Variants in SLC25A30 observed in about 807,000 individuals in gnomAD.
The protein encoded by SLC25A30 is solute carrier family 25 member 30.
SLC25A30 carries 29 observed loss-of-function variants against 42.7 expected under a neutral mutation model. The ratio of observed to expected loss-of-function variants is 0.68; its 90% CI spans 0.51 to 0.93. The LOEUF is 0.93. SLC25A30 is among the 40% of genes least tolerant of loss of function. The pLI, the probability that SLC25A30 is intolerant of heterozygous loss-of-function variation, is 0.00. For synonymous variants in SLC25A30, 124 were observed against 131.0 expected (o/e 0.95, Z 0.37); for missense variants, 300 against 359.7 (o/e 0.83, Z 1.34).
At chr13:45,425,369 A>T in the SLC25A30 span, among the ~76,000 whole-genome samples, 1 of 110,366 alleles carries the variant, frequency 9.1e-6, no homozygotes, top group Non-Finnish European at 1.7e-5. Flanking sequence ...TATATGTATA[A>T]AAATATATAA....
chr13:45,396,983 T>C (rs1881403524), intron 9 of SLC25A30: 1 of 352,626 alleles, frequency 2.8e-6, no homozygotes, highest in Non-Finnish European at 5.1e-6. Flanking sequence ...CTCTCTGAAA[T>C]CGTAAATACC....
At chr13:45,423,546 A>C in the SLC25A30 span, among the ~76,000 whole-genome samples, 2 of 87,886 alleles carry the variant, frequency 2.3e-5, no homozygotes, top group East Asian at 2.3e-4. Context: ...AAATATATAT[A>C]AATACATAAA....
the SLC25A30 span, among the ~76,000 whole-genome samples, chr13:45,423,594 T>TATATATAAAAATATATATAAA: frequency 1.4e-4 from 13 of 92,114 alleles, 1 homozygote; most frequent in African/African-American, 5.1e-4. Context: ...TATATAAATA[T>TATATATAAAAATATATATAAA]ATATATATAT....
At chr13:45,403,451 T>C (rs1882191252) in intron 5 of SLC25A30, among the ~76,000 whole-genome samples, 1 of 152,164 alleles carries the variant, frequency 6.6e-6, no homozygotes, top group Non-Finnish European at 1.5e-5. Flanking sequence ...AGAGGGGAAG[T>C]AGGAAAGGAA....
the SLC25A30 span, among the ~76,000 whole-genome samples, chr13:45,430,643 C>CA: frequency 1.5e-3 from 222 of 151,192 alleles, 3 homozygotes; most frequent in Non-Finnish European, 2.1e-3. Flanking sequence ...CCATCTGTAC[C>CA]AAAAAAAATA....
rs1283224261 is a variant in SLC25A30, at chr13:45,393,389, TTAAA to T, written c.*2581_*2584del. 32 of 981,594 alleles carry T rather than the reference TTAAA, an allele frequency of 3.3e-5. No individual in the cohort carries two copies. The highest frequency in any genetic ancestry group is 3.0e-4 in the African/African-American group (17 of 57,160). 60.8% of individuals were successfully genotyped at this position (981,594 alleles called of 1,614,324 possible). On this transcript the variant is annotated 3_prime_UTR_variant, in exon 10 of 10. Transcript: ENST00000519676. ...CTTATGCCACATATTCCAACAATGTTTAAATAAAGAGCTTGAAATATAAAGGCTT... is the reference window on the plus strand; with the variant it reads ...CTTATGCCACATATTCCAACAATGTTTAAAGAGCTTGAAATATAAAGGCTT...
chr13:45,420,838 G>A (rs1883873687), upstream of SLC25A30, among the ~76,000 whole-genome samples: 1 of 152,006 alleles, frequency 6.6e-6, no homozygotes, highest in African/African-American at 2.4e-5. Context: ...AGTGCTGGGA[G>A]TACAGGCATG....
the SLC25A30 span, among the ~76,000 whole-genome samples, chr13:45,424,653 A>G: frequency 3.3e-4 from 24 of 73,488 alleles, 4 homozygotes; most frequent in African/African-American, 1.2e-3. Context: ...ATAAATATAT[A>G]TAAATATATA....
At chr13:45,428,294 T>C in the SLC25A30 span, among the ~76,000 whole-genome samples, 71,620 of 151,138 alleles carry the variant, frequency 0.47, 17,467 homozygotes, top group Non-Finnish European at 0.54. Context: ...CTGCAACCTC[T>C]GCCTCCCAGG....
At chr13:45,402,004 GA>G (rs1193771659) in intron 6 of SLC25A30, among the ~76,000 whole-genome samples, 1 of 140,544 alleles carries the variant, frequency 7.1e-6, no homozygotes, top group Non-Finnish European at 1.5e-5. Flanking sequence ...AGGTTGCAGT[GA>G]GCCAAGATCG....
chr13:45,425,036 G>A, the SLC25A30 span, among the ~76,000 whole-genome samples: 15 of 14,674 alleles, frequency 1.0e-3, no homozygotes, highest in South Asian at 4.5e-3. Flanking sequence ...AAATATATAA[G>A]TATATATAAA....
Position 45,401,115 on chromosome 13 carries a change from G to A in SLC25A30, c.582C>T (p.Gly194=), listed in dbSNP as rs370054419. 8.7e-6 allele frequency: 14 copies of A among 1,613,724 alleles called. No individual in the cohort carries two copies. Among genetic ancestry groups the A allele is most frequent in the Non-Finnish European group, 1.2e-5 (14 of 1,179,844 alleles). The change falls in exon 7 of 10, where the codon GGC becomes GGT. Residue 194 remains glycine (G), a synonymous_variant. Transcript: ENST00000519676. ...GGGTATACACAGTGTCTCCCATCAG[G>A]CCTGAGAGAATAAGATGCTTCTTGG... ...DITKKHLILS[G]LMGDTVYTHF...
In SLC25A30 at chr13:45,411,458, C is replaced by A; in HGVS notation, c.-33G>T. On this transcript the variant is annotated 5_prime_UTR_variant, in exon 2 of 10. It removes an upstream start codon present in the reference 5' UTR. Coordinates refer to ENST00000519676, the MANE Select transcript of SLC25A30 (RefSeq NM_001010875.4). ...CTGTCTCTTCTTTGATTTATAGAAA[C>A]ATTGCCTCCAGTGCTGTTTTTCCTG... 3 of 1,611,912 alleles carry A rather than the reference C, an allele frequency of 1.9e-6. No individual in the cohort carries two copies. Among genetic ancestry groups the A allele is most frequent in the Non-Finnish European group, 8.5e-7 (1 of 1,178,312 alleles).
chr13:45,402,869 C>A, intron 5 of SLC25A30: 1 of 911,266 alleles, frequency 1.1e-6, no homozygotes, highest in Non-Finnish European at 1.3e-6. Context: ...CAAGTGACAG[C>A]CACATGATAC....
rs751160326 is a variant in SLC25A30, at chr13:45,401,151, G to A, written c.546C>T (p.Val182=). 1.9e-6 allele frequency: 3 copies of A among 1,613,826 alleles called. No individual in the cohort carries two copies. Among genetic ancestry groups the A allele is most frequent in the African/African-American group, 2.7e-5 (2 of 74,896 alleles). The change falls in exon 7 of 10, where the codon GTC becomes GTT. Residue 182 remains valine, a synonymous_variant. Transcript: ENST00000519676. The part of the protein sequence containing the change: ...AAIVVGVELP[V]YDITKKHLIL... ...TAAGATGCTTCTTGGTGATGTCATAGACCGGCAGCTCCACACCAACAACAA... is the reference window on the plus strand; with the variant it reads ...TAAGATGCTTCTTGGTGATGTCATAAACCGGCAGCTCCACACCAACAACAA...
intron 2 of SLC25A30, among the ~76,000 whole-genome samples, chr13:45,410,919 T>A (rs1181813549): frequency 6.6e-6 from 1 of 152,262 alleles, no homozygotes; most frequent in Non-Finnish European, 1.5e-5. Context: ...CTATTTTGTC[T>A]TAAAAAGCAT....
At chr13:45,424,823 TAA>T in the SLC25A30 span, among the ~76,000 whole-genome samples, 3,160 of 58,288 alleles carry the variant, frequency 0.054, 774 homozygotes, top group Middle Eastern at 0.15. Flanking sequence ...TATAAATATA[TAA>T]AAATATATAT....
intron 1 of SLC25A30, chr13:45,411,977 G>C (rs1381422737): frequency 2.0e-5 from 2 of 101,260 alleles, no homozygotes; most frequent in African/African-American, 3.9e-5. Flanking sequence ...TTTGCTATTC[G>C]TTCACTGCTA....
Position 45,395,721 on chromosome 13 carries a change from A to T in SLC25A30, c.*253T>A. ...CTTTAGCAAGAAACATGCATTTCAC[A>T]TATTATCTTTGATGTTGAAGGGCAC... is the stretch of plus-strand genomic sequence containing the variant. On this transcript the variant is annotated 3_prime_UTR_variant, in exon 10 of 10. Transcript: ENST00000519676. The T allele has an allele frequency of 7.2e-7, 1 of 1,380,186 alleles. No individual in the cohort carries two copies. Among genetic ancestry groups the T allele is most frequent in the Non-Finnish European group, 9.4e-7 (1 of 1,064,930 alleles). The allele number at this position is 1,380,186 out of a possible 1,614,324, so 85.5% of individuals were successfully genotyped here.
Sources: allele counts gnomAD v4.1 joint callset (sites outside exome capture counted in the v4.1 genomes callset), GRCh38; gene constraint gnomAD v4.1.1; transcripts MANE v1.5; gene names NCBI Gene and HGNC (gene_info 2026-07-23, HGNC 2026-07-21).